INTS6: variants seen among roughly 807,000 people sequenced by gnomAD.
The protein encoded by INTS6 is DEAD box protein.
In INTS6, 16 loss-of-function variants were observed where a neutral mutation model predicts 104.9. The observed-to-expected ratio is 0.15, with a 90% confidence interval of 0.10 to 0.23. The LOEUF is 0.23. Ranked by LOEUF, INTS6 falls within the 10% of genes least tolerant of loss-of-function variation. The pLI, the probability that INTS6 is intolerant of heterozygous loss-of-function variation, is 1.00. For missense variants in INTS6, 584 were observed against 1,062.8 expected, an observed-to-expected ratio of 0.55 and a Z score of 6.26; for synonymous variants, 324 against 358.7, an observed-to-expected ratio of 0.90 and a Z score of 1.09.
At chr13:51,409,784 G>C (rs1163113853) in intron 4 of INTS6, among the ~76,000 whole-genome samples, 1 of 152,042 alleles carries the variant, frequency 6.6e-6, no homozygotes, top group Non-Finnish European at 1.5e-5. Flanking sequence ...GCAAGAAAAA[G>C]AAATAAAAGG....
At chr13:51,382,286 A>G (rs1956065983) in intron 9 of INTS6, among the ~76,000 whole-genome samples, 163 bp from the exon 10 acceptor site, 1 of 152,218 alleles carries the variant, frequency 6.6e-6, no homozygotes, top group Non-Finnish European at 1.5e-5. Context: ...GTCATTTTCT[A>G]TAAAATGAAA....
chr13:51,420,118 A>C (rs1292811971), intron 4 of INTS6, among the ~76,000 whole-genome samples: 2 of 152,174 alleles, frequency 1.3e-5, no homozygotes, highest in Non-Finnish European at 2.9e-5. Context: ...CCCTAGTATA[A>C]ATCATGATCC....
At chr13:51,409,110 T>C (rs549882916) in intron 4 of INTS6, among the ~76,000 whole-genome samples, 27 of 152,138 alleles carry the variant, frequency 1.8e-4, no homozygotes, top group African/African-American at 6.5e-4. Flanking sequence ...ATCAGGGTCA[T>C]ATTTTATAAC....
intron 3 of INTS6, chr13:51,445,798 A>G (rs2138160514): frequency 6.6e-6 from 1 of 152,346 alleles, no homozygotes; most frequent in African/African-American, 2.4e-5. Context: ...GAGGCTCAAA[A>G]GTTCAGGGAT....
chr13:51,361,570 CTGAAAGTT>C (rs1309040528), exon 18 of INTS6: 3 of 585,194 alleles, frequency 5.1e-6, no homozygotes, highest in Non-Finnish European at 9.0e-6. Flanking sequence ...AAAAATAATT[CTGAAAGTT>C]ACCTTCAATA....
chr13:51,404,162 T>A (rs1004400985), intron 4 of INTS6, among the ~76,000 whole-genome samples: 1 of 149,846 alleles, frequency 6.7e-6, no homozygotes, highest in African/African-American at 2.5e-5. Context: ...CAGTCCCAGC[T>A]AGTTGGGAGG....
At chr13:51,408,150 T>G (rs1038131754) in intron 4 of INTS6, among the ~76,000 whole-genome samples, 2 of 151,762 alleles carry the variant, frequency 1.3e-5, no homozygotes, top group African/African-American at 2.4e-5. Context: ...AGATGGGTTT[T>G]TTTTTTTTTT....
intron 4 of INTS6, among the ~76,000 whole-genome samples, chr13:51,405,466 C>G (rs1434366132): frequency 6.6e-6 from 1 of 152,150 alleles, no homozygotes; most frequent in East Asian, 1.9e-4. Flanking sequence ...ATGTATCTGT[C>G]TTTTGGAGTT....
chr13:51,437,238 ATC>A (rs1261132365), intron 3 of INTS6: 6 of 152,194 alleles, frequency 3.9e-5, no homozygotes, highest in African/African-American at 1.4e-4. Flanking sequence ...CCTAAAAGAA[ATC>A]TGTCTAGTCT....
intron 10 of INTS6, among the ~76,000 whole-genome samples, chr13:51,381,797 G>A (rs1956054690): frequency 6.6e-6 from 1 of 151,644 alleles, no homozygotes; most frequent in African/African-American, 2.4e-5. Flanking sequence ...CTGCCTTCCG[G>A]TTTCAAGCGA....
chr13:51,375,736 T>G (rs199899080), intron 13 of INTS6, among the ~76,000 whole-genome samples: 112 of 99,596 alleles, frequency 1.1e-3, no homozygotes, highest in Admixed American at 1.7e-3. Flanking sequence ...GATAAGTGGG[T>G]GTGTGTGTGT....
chr13:51,341,033 C>T, the INTS6 span: 1 of 1,579,936 alleles, frequency 6.3e-7, no homozygotes, highest in Non-Finnish European at 8.6e-7. Context: ...CTTTCATCAC[C>T]AGCTTCCAGC....
intron 5 of INTS6, among the ~76,000 whole-genome samples, chr13:51,391,973 T>A (rs952671639): frequency 6.6e-5 from 10 of 152,310 alleles, no homozygotes; most frequent in African/African-American, 1.9e-4. Flanking sequence ...CAGCCATCCA[T>A]CTCTAGTGGT....
At chr13:51,401,241 T>C (rs1956433118) in intron 4 of INTS6, among the ~76,000 whole-genome samples, 1 of 152,034 alleles carries the variant, frequency 6.6e-6, no homozygotes, top group Non-Finnish European at 1.5e-5. Context: ...AAACTATATA[T>C]GCATTCACTC....
chr13:51,383,780 T>G, intron 7 of INTS6, 39 bp from the exon 8 acceptor site: 3 of 1,521,386 alleles, frequency 2.0e-6, no homozygotes, highest in Non-Finnish European at 2.7e-6. Flanking sequence ...TTACATGAAA[T>G]TTCAGAAACA....
Position 51,363,514 on chromosome 13 carries a change from A to C in INTS6, c.*2238T>G, listed in dbSNP as rs959882624. On this transcript the variant is annotated 3_prime_UTR_variant, in exon 18 of 18. Transcript: ENST00000311234. ...GAAACATGGGAGACATTAAAAAAAA[A>C]GATTTGAAAACCTCAAGATTAAACT... is the stretch of plus-strand genomic sequence containing the variant. 1 of 151,946 alleles carries C rather than the reference A, an allele frequency of 6.6e-6. No individual in the cohort carries two copies. Among genetic ancestry groups the C allele is most frequent in the Non-Finnish European group, 1.5e-5 (1 of 67,902 alleles). 9.4% of individuals were successfully genotyped at this position (151,946 alleles called of 1,614,324 possible). A position where few individuals can be genotyped will look rare whatever the true frequency, so the allele number is the denominator to read the frequency against.
In INTS6 at chr13:51,364,014, A is replaced by G. The variant is rs140465879; in HGVS notation, c.*1738T>C. On this transcript the variant is annotated 3_prime_UTR_variant, in exon 18 of 18. Coordinates refer to ENST00000311234, the MANE Select transcript of INTS6 (RefSeq NM_012141.3). The stretch of plus-strand genomic sequence containing the variant: ...TGAATGACTTCTAATTCCTCCTAGT[A>G]ATTCCAGAATCTAAATATATATAAT... 8.0e-4 allele frequency: 254 copies of G among 318,304 alleles called. 1 individual carries two copies. Among genetic ancestry groups the G allele is most frequent in the African/African-American group, 4.9e-3 (230 of 46,774 alleles). The allele number at this position is 318,304 out of a possible 1,614,324, so 19.7% of individuals were successfully genotyped here.
chr13:51,386,987 T>A (rs999326586), intron 7 of INTS6, among the ~76,000 whole-genome samples: 1 of 152,178 alleles, frequency 6.6e-6, no homozygotes, highest in Non-Finnish European at 1.5e-5. Context: ...AAACCATACA[T>A]ATCAATATGA....
chr13:51,368,790 T>G, intron 16 of INTS6, 149 bp downstream of exon 16: 1 of 805,436 alleles, frequency 1.2e-6, no homozygotes, highest in Non-Finnish European at 1.9e-6. Flanking sequence ...GTTGGTCAGA[T>G]GAATAAAGGA....
Sources: allele counts gnomAD v4.1 joint callset (sites outside exome capture counted in the v4.1 genomes callset), GRCh38; gene constraint gnomAD v4.1.1; transcripts MANE v1.5; gene names NCBI Gene and HGNC (gene_info 2026-07-23, HGNC 2026-07-21).